PHLPP1: variants seen among roughly 807,000 people sequenced by gnomAD.
PHLPP1 encodes the protein PH domain leucine-rich repeat-containing protein phosphatase 1.
Under a neutral mutation model 117.2 loss-of-function variants are expected in PHLPP1, and 42 were observed. The observed-to-expected ratio is 0.36, with a 90% CI of 0.28 to 0.46. The LOEUF (loss-of-function observed/expected upper bound fraction) is 0.46. Ranked by LOEUF, PHLPP1 falls within the 20% of genes least tolerant of loss-of-function variation. The probability of loss-of-function intolerance (pLI) is 1.00; values close to 1 mark genes in which losing one functional copy is unlikely to be tolerated. For synonymous variants in PHLPP1, 1,042 were observed against 970.7 expected (o/e 1.07, Z -1.37); for missense variants, 2,084 against 2,241.9 (o/e 0.93, Z 1.42).
chr18:62,961,958 A>G (rs1217592794), intron 13 of PHLPP1, among the ~76,000 whole-genome samples: 1 of 152,228 alleles, frequency 6.6e-6, no homozygotes, highest in African/African-American at 2.4e-5. Flanking sequence ...TTTACTTCTT[A>G]GAGCTTTAAC....
rs1568146209 is a variant in PHLPP1, at chr18:62,874,655, GCGCACACA to G, written c.2066+14056_2066+14063del. Among the ~76,000 whole-genome samples, 14 of 59,114 alleles carry G rather than the reference GCGCACACA, an allele frequency of 2.4e-4. No individual in the cohort carries two copies. In the South Asian group the frequency reaches 3.6e-3, roughly 15 times the overall value. 38.8% of individuals were successfully genotyped at this position (59,114 alleles called of 152,430 possible). ...CCCATCACAGGGCGCGCACGCACGC[GCGCACACA>G]CACACACACACACACACACACACAC... On this transcript the variant is annotated intron_variant, in intron 4 of 16. Coordinates refer to ENST00000262719, the MANE Select transcript of PHLPP1 (RefSeq NM_194449.4).
chr18:62,817,849 G>A (rs1189643575), intron 1 of PHLPP1, among the ~76,000 whole-genome samples: 1 of 128,022 alleles, frequency 7.8e-6, no homozygotes, highest in African/African-American at 2.9e-5. Flanking sequence ...AATGGCAACA[G>A]ACTTTTTTTT....
chr18:62,721,504 G>A (rs187326412), intron 1 of PHLPP1, among the ~76,000 whole-genome samples: 1 of 152,002 alleles, frequency 6.6e-6, no homozygotes, highest in East Asian at 1.9e-4. Context: ...TAAAGTAACT[G>A]AAAATATTTC....
chr18:62,897,367 G>GGATATTTA, intron 6 of PHLPP1, among the ~76,000 whole-genome samples: 2 of 152,276 alleles, frequency 1.3e-5, no homozygotes, highest in South Asian at 4.1e-4. Flanking sequence ...TTAAATACCA[G>GGATATTTA]AATAGACATT....
chr18:62,814,048 G>A (rs627124), intron 1 of PHLPP1, among the ~76,000 whole-genome samples: 149,024 of 152,268 alleles, frequency 0.98, 72,999 homozygotes, highest in East Asian at 1. Context: ...CAGTTAATCA[G>A]TATTATAAAG....
At chr18:62,761,829 A>G (rs1433180671) in intron 1 of PHLPP1, among the ~76,000 whole-genome samples, 1 of 152,024 alleles carries the variant, frequency 6.6e-6, no homozygotes, top group Non-Finnish European at 1.5e-5. Flanking sequence ...GTTGGTCTTG[A>G]ACTCTTGGCC....
At chr18:62,804,156 AAG>A (rs911649226) in intron 1 of PHLPP1, among the ~76,000 whole-genome samples, 2 of 152,164 alleles carry the variant, frequency 1.3e-5, no homozygotes, top group African/African-American at 4.8e-5. Context: ...GGGGGCAGGA[AAG>A]AGAGAGAAGT....
intron 3 of PHLPP1, among the ~76,000 whole-genome samples, chr18:62,844,069 G>A (rs1004078509): frequency 9.2e-5 from 14 of 152,096 alleles, no homozygotes; most frequent in Admixed American, 2.0e-4. Context: ...CTTCTTGGCC[G>A]GGCGTGGTGG....
chr18:62,828,297 A>C (rs2086993241), intron 1 of PHLPP1, among the ~76,000 whole-genome samples: 2 of 152,136 alleles, frequency 1.3e-5, no homozygotes, highest in Non-Finnish European at 2.9e-5. Context: ...CATGTGAATC[A>C]CTGTGTCTGA....
At chr18:62,796,531 C>T (rs1453486621) in intron 1 of PHLPP1, among the ~76,000 whole-genome samples, 2 of 152,190 alleles carry the variant, frequency 1.3e-5, no homozygotes, top group Non-Finnish European at 2.9e-5. Context: ...GCCAAGGTCC[C>T]AGGTCTTTTT....
chr18:62,842,489 G>A (rs1223477452), intron 3 of PHLPP1, among the ~76,000 whole-genome samples: 8 of 151,942 alleles, frequency 5.3e-5, no homozygotes, highest in Non-Finnish European at 1.2e-4. Context: ...AGCCTCCTGA[G>A]TAGCTGGGAT....
chr18:62,800,847 C>G (rs1057304207), intron 1 of PHLPP1, among the ~76,000 whole-genome samples: 2 of 151,968 alleles, frequency 1.3e-5, no homozygotes, highest in Non-Finnish European at 2.9e-5. Context: ...AACATGAACT[C>G]AATCTTTAGG....
chr18:62,749,075 A>G (rs1244580995), intron 1 of PHLPP1, among the ~76,000 whole-genome samples: 3 of 152,158 alleles, frequency 2.0e-5, no homozygotes, highest in African/African-American at 7.2e-5. Flanking sequence ...TTCAACTCTG[A>G]TAACTCGTCT....
chr18:62,855,261 A>T (rs1160524474), intron 3 of PHLPP1, among the ~76,000 whole-genome samples: 1 of 152,110 alleles, frequency 6.6e-6, no homozygotes, highest in African/African-American at 2.4e-5. Context: ...TGGTTTTTTG[A>T]TTAATTTTTT....
At chr18:62,873,002 A>AAAAAAAAG in intron 4 of PHLPP1, among the ~76,000 whole-genome samples, 1 of 140,290 alleles carries the variant, frequency 7.1e-6, no homozygotes, top group East Asian at 2.1e-4. Context: ...AAAAAAAAAA[A>AAAAAAAAG]AAAAAGAAAA....
chr18:62,914,377 G>A (rs1161186155), intron 8 of PHLPP1, among the ~76,000 whole-genome samples: 2 of 152,108 alleles, frequency 1.3e-5, no homozygotes, highest in African/African-American at 4.8e-5. Flanking sequence ...GAGCTAGACT[G>A]TTTTTTTAGA....
At chr18:62,855,565 A>G (rs1915473062) in intron 3 of PHLPP1, among the ~76,000 whole-genome samples, 1 of 152,176 alleles carries the variant, frequency 6.6e-6, no homozygotes, top group African/African-American at 2.4e-5. Flanking sequence ...CTCACTGCCT[A>G]GTGGCCATAT....
intron 1 of PHLPP1, among the ~76,000 whole-genome samples, chr18:62,828,286 A>G (rs1914665188): frequency 6.6e-6 from 1 of 152,162 alleles, no homozygotes; most frequent in African/African-American, 2.4e-5. Context: ...GCAGAATGGG[A>G]CATGTGAATC....
At chr18:62,830,401 G>T (rs1255714888) in intron 2 of PHLPP1, among the ~76,000 whole-genome samples, 170 bp downstream of exon 2, 1 of 152,068 alleles carries the variant, frequency 6.6e-6, no homozygotes, top group East Asian at 1.9e-4. Context: ...GCTAATTTTT[G>T]TATTTTTAGT....
Sources: gnomAD v4.1 joint callset for allele counts (sites outside exome capture counted in the v4.1 genomes callset) on GRCh38, gnomAD v4.1.1 for gene constraint, MANE v1.5 for transcripts, NCBI Gene and HGNC (gene_info 2026-07-23, HGNC 2026-07-21) for gene names.